Variants in C10orf90 observed in about 807,000 individuals in gnomAD.
C10orf90 encodes (E2-independent) E3 ubiquitin-conjugating enzyme FATS.
C10orf90 carries 56 observed loss-of-function variants against 62.5 expected under a neutral mutation model. That is an observed-to-expected ratio of 0.90 (90% CI 0.72 to 1.12). The LOEUF is 1.12. C10orf90 is among the 50% of genes most tolerant of loss of function. The probability of loss-of-function intolerance (pLI) is 0.00; values close to 1 mark genes in which losing one functional copy is unlikely to be tolerated. For missense variants in C10orf90, 970 were observed against 880.4 expected, an observed-to-expected ratio of 1.10 and a Z score of -1.29; for synonymous variants, 386 against 340.4, an observed-to-expected ratio of 1.13 and a Z score of -1.47.
rs1178597106 is a variant in C10orf90, at chr10:126,453,295, A to G, written c.2188+5745T>C. On this transcript the variant is annotated intron_variant, in intron 7 of 9. Coordinates refer to ENST00000488181, the MANE Select transcript of C10orf90 (RefSeq NM_001350921.2). The surrounding 1 kb of genome is among the most constrained non-coding windows in gnomAD (Gnocchi z 4.9). ...CAGTGATTTGGTGTGGAGTATGCCC[A>G]CCAGCTCTTACAATCTAGAAGGTTT... is the stretch of plus-strand genomic sequence containing the variant. 6.6e-6 allele frequency among the ~76,000 whole-genome samples: 1 copy of G among 152,224 alleles called. No individual in the cohort carries two copies. Among genetic ancestry groups the G allele is most frequent in the Admixed American group, 6.5e-5 (1 of 15,278 alleles).
At position 126,504,168 on chromosome 10, in the gene C10orf90, C is replaced by T; in HGVS notation, c.1323G>A (p.Leu441=). 4 of 1,614,168 alleles carry T rather than the reference C, an allele frequency of 2.5e-6. No individual in the cohort carries two copies. Among genetic ancestry groups the T allele is most frequent in the Non-Finnish European group, 3.4e-6 (4 of 1,180,032 alleles). The stretch of plus-strand genomic sequence containing the variant: ...CCCGCCTCAACGATGGGGTTTCCTT[C>T]AAGTGACTTTCTTGTAAACCTGGGT... The part of the protein sequence containing the change: ...RWNPGLQESH[L]KETPSLRRVH... The change falls in exon 4 of 10, where the codon TTG becomes TTA. Residue 441 remains leucine (L), a synonymous_variant. Transcript: ENST00000488181. This position sits in a 1 kb window ranked among gnomAD's most constrained non-coding sequence, Gnocchi z 4.1.
chr10:126,535,238 C>T (rs1864201496), intron 2 of C10orf90, among the ~76,000 whole-genome samples: 1 of 151,548 alleles, frequency 6.6e-6, no homozygotes, highest in Non-Finnish European at 1.5e-5. Context: ...AATTTGTCAG[C>T]TGGGTGTGGT....
chr10:126,595,048 T>C (rs1353564384), intron 2 of C10orf90, among the ~76,000 whole-genome samples: 1 of 152,146 alleles, frequency 6.6e-6, no homozygotes, highest in Non-Finnish European at 1.5e-5. Flanking sequence ...AGAAGCAAAA[T>C]GTTGTACAGG....
intron 2 of C10orf90, among the ~76,000 whole-genome samples, chr10:126,604,751 C>A (rs555537563): frequency 4.6e-5 from 7 of 152,212 alleles, no homozygotes; most frequent in Non-Finnish European, 1.0e-4. Context: ...CACTTCTCTG[C>A]AAGTTCCACC....
chr10:126,529,673 C>T (rs1468074653), intron 2 of C10orf90, among the ~76,000 whole-genome samples: 1 of 152,110 alleles, frequency 6.6e-6, no homozygotes, highest in Admixed American at 6.5e-5. Flanking sequence ...AATAAGAGAC[C>T]ATTCCGCATC....
intron 2 of C10orf90, among the ~76,000 whole-genome samples, chr10:126,612,736 T>C (rs1245648255): frequency 1.3e-5 from 2 of 152,202 alleles, no homozygotes; most frequent in Non-Finnish European, 2.9e-5. Context: ...CCTGGATGTC[T>C]CAGATGAGAA....
chr10:126,590,969 A>C (rs1316244693), intron 2 of C10orf90, among the ~76,000 whole-genome samples: 1 of 152,204 alleles, frequency 6.6e-6, no homozygotes, highest in Non-Finnish European at 1.5e-5. Flanking sequence ...TCCTGGACAC[A>C]TACACCCTCC....
intron 2 of C10orf90, among the ~76,000 whole-genome samples, chr10:126,516,063 C>T (rs917833618): frequency 5.9e-5 from 9 of 152,192 alleles, no homozygotes; most frequent in Non-Finnish European, 1.2e-4. Context: ...TGTGGCATCG[C>T]ATGTGGTTAA....
intron 2 of C10orf90, among the ~76,000 whole-genome samples, chr10:126,603,870 T>C (rs1845251217): frequency 6.6e-6 from 1 of 152,072 alleles, no homozygotes; most frequent in Non-Finnish European, 1.5e-5. Context: ...AGACGAGCCA[T>C]ATGCAGAGGG....
At chr10:126,549,766 A>T (rs1472479426) in intron 2 of C10orf90, among the ~76,000 whole-genome samples, 1 of 150,584 alleles carries the variant, frequency 6.6e-6, no homozygotes, top group Non-Finnish European at 1.5e-5. Context: ...AAAAAATTTA[A>T]GAACAACCCA....
chr10:126,547,953 A>G (rs1864540295), intron 2 of C10orf90, among the ~76,000 whole-genome samples: 1 of 152,200 alleles, frequency 6.6e-6, no homozygotes, highest in African/African-American at 2.4e-5. Flanking sequence ...AAAGGCTTAC[A>G]CTGAAAAAGT....
At chr10:126,562,272 C>G (rs1057212502) in intron 2 of C10orf90, among the ~76,000 whole-genome samples, 1 of 152,138 alleles carries the variant, frequency 6.6e-6, no homozygotes, top group African/African-American at 2.4e-5. Flanking sequence ...CTAGCCACCC[C>G]CTGCCCTCCC....
intron 2 of C10orf90, among the ~76,000 whole-genome samples, chr10:126,584,483 A>G (rs1413406456): frequency 6.6e-6 from 1 of 152,108 alleles, no homozygotes; most frequent in East Asian, 1.9e-4. Context: ...GAGCTGTTCA[A>G]CAGGCACCAT....
intron 2 of C10orf90, among the ~76,000 whole-genome samples, chr10:126,526,545 A>G (rs375949897): frequency 3.0e-4 from 46 of 152,208 alleles, no homozygotes; most frequent in African/African-American, 1.0e-3. Flanking sequence ...CACCTGGCCA[A>G]CTAATTTTTT....
intron 2 of C10orf90, among the ~76,000 whole-genome samples, chr10:126,622,899 G>C (rs1481113915): frequency 6.6e-6 from 1 of 152,210 alleles, no homozygotes; most frequent in African/African-American, 2.4e-5. Context: ...ACATGTGCAA[G>C]CACACATTTT....
rs1190258339 is a variant in C10orf90 at position 126,670,525 on chromosome 10, C to A, written c.-45G>T. Reference sequence around the variant, plus strand: ...CTTTAGCTAGTGAGACTGGCAAACACAATTTTCTTTGTTTAACCCAGGTAT... The same window carrying A: ...CTTTAGCTAGTGAGACTGGCAAACAAAATTTTCTTTGTTTAACCCAGGTAT... On this transcript the variant is annotated 5_prime_UTR_variant, in exon 1 of 10. Transcript: ENST00000488181. 2 of 451,644 alleles carry A rather than the reference C, an allele frequency of 4.4e-6. No homozygotes were observed. The highest frequency in any genetic ancestry group is 1.4e-4 in the East Asian group (2 of 14,306). The allele number at this position is 451,644 out of a possible 1,614,324, so 28.0% of individuals were successfully genotyped here.
At chr10:126,638,336 T>A (rs1845994433) in intron 2 of C10orf90, among the ~76,000 whole-genome samples, 1 of 152,050 alleles carries the variant, frequency 6.6e-6, no homozygotes. Context: ...CCACCCTACA[T>A]TCCCAGTCAC....
At chr10:126,525,037 C>T (rs1013000157) in intron 2 of C10orf90, among the ~76,000 whole-genome samples, 1 of 152,154 alleles carries the variant, frequency 6.6e-6, no homozygotes. Context: ...CAAGAGTGGC[C>T]AGAAAGAGAT....
chr10:126,654,050 C>T (rs570885766), intron 1 of C10orf90, among the ~76,000 whole-genome samples: 1 of 152,208 alleles, frequency 6.6e-6, no homozygotes, highest in East Asian at 1.9e-4. Context: ...ATGCTGTGAT[C>T]CAGGCTTTGT....
Sources: gnomAD v4.1 joint callset for allele counts (sites outside exome capture counted in the v4.1 genomes callset) on GRCh38, gnomAD v4.1.1 for gene constraint, Gnocchi (gnomAD v3.1) non-coding constraint, MANE v1.5 for transcripts, NCBI Gene and HGNC (gene_info 2026-07-23, HGNC 2026-07-21) for gene names.